Variants in COLEC11 observed in about 807,000 individuals in gnomAD.
The protein encoded by COLEC11 is collectin subfamily member 11.
A neutral mutation model predicts 27.3 loss-of-function variants in COLEC11; 20 were observed. The observed-to-expected ratio is 0.73, with a 90% CI of 0.51 to 1.06. The LOEUF is 1.06. Among genes scored for constraint, COLEC11 ranks in the 50% least tolerant of loss-of-function variants. The probability of loss-of-function intolerance (pLI) is 0.00; values close to 1 mark genes in which losing one functional copy is unlikely to be tolerated. For missense variants in COLEC11, 310 were observed against 383.0 expected (o/e 0.81, Z 1.59); for synonymous variants, 163 against 154.7 (o/e 1.05, Z -0.40).
intron 2 of COLEC11, among the ~76,000 whole-genome samples, chr2:3,608,751 G>A (rs1662935192): frequency 6.6e-6 from 1 of 152,262 alleles, no homozygotes; most frequent in South Asian, 2.1e-4. Context: ...TAAGATGCGT[G>A]GACAGGGCAA....
chr2:3,634,815 C>T (rs1665265978), intron 3 of COLEC11, among the ~76,000 whole-genome samples: 1 of 151,948 alleles, frequency 6.6e-6, no homozygotes, highest in Non-Finnish European at 1.5e-5. Flanking sequence ...TGGCAGGGCC[C>T]CCTCTGGTGT....
At chr2:3,641,383 C>A (rs1211448439) in intron 5 of COLEC11, 20 of 1,300,732 alleles carry the variant, frequency 1.5e-5, no homozygotes, top group Non-Finnish European at 1.9e-5. Flanking sequence ...AGGCACTCAG[C>A]CAACCTGAGG....
intron 2 of COLEC11, chr2:3,606,252 C>T: frequency 6.5e-7 from 1 of 1,549,802 alleles, no homozygotes; most frequent in Non-Finnish European, 8.7e-7. Context: ...AGGTCAGTAG[C>T]CTGCACTGGT....
chr2:3,627,741 A>T (rs563413324), intron 3 of COLEC11, among the ~76,000 whole-genome samples: 191 of 150,100 alleles, frequency 1.3e-3, no homozygotes, highest in African/African-American at 4.4e-3. Flanking sequence ...ATGATGGTAG[A>T]TCTAGGTATG....
intron 3 of COLEC11, among the ~76,000 whole-genome samples, chr2:3,629,781 C>A (rs923105429): frequency 1.3e-5 from 2 of 152,068 alleles, no homozygotes; most frequent in Admixed American, 6.6e-5. Context: ...AGAGAAAGCC[C>A]AGCTGTTAAA....
intron 3 of COLEC11, among the ~76,000 whole-genome samples, chr2:3,624,550 C>G (rs1318090134): frequency 6.6e-6 from 1 of 152,184 alleles, no homozygotes; most frequent in African/African-American, 2.4e-5. Flanking sequence ...TACACTTTCA[C>G]TTACTCCAGT....
At chr2:3,612,162 G>A (rs1663244887) in intron 2 of COLEC11, among the ~76,000 whole-genome samples, 1 of 152,062 alleles carries the variant, frequency 6.6e-6, no homozygotes, top group South Asian at 2.1e-4. Context: ...TGAACTTGTA[G>A]CATATCAGCG....
rs984420589 is a variant in COLEC11, at chr2:3,612,985, T to C, written c.131-326T>C. 3.4e-5 allele frequency among the ~76,000 whole-genome samples: 5 copies of C among 146,048 alleles called. No homozygotes were observed. In the South Asian group the frequency reaches 6.2e-4, roughly 18 times the overall value. ...ACGCTGCCGCCCTTCTCATTGGTGT[T>C]AGGGTTGGGGAGAGCCGGCGTTTAG... On this transcript the variant is annotated intron_variant, in intron 2 of 6. Coordinates refer to ENST00000349077, the MANE Select transcript of COLEC11 (RefSeq NM_024027.5).
At chr2:3,600,007 G>A (rs1219685224) in intron 1 of COLEC11, among the ~76,000 whole-genome samples, 5 of 151,794 alleles carry the variant, frequency 3.3e-5, no homozygotes, top group Admixed American at 3.3e-4. Flanking sequence ...AGGCCGAGGT[G>A]GGTGGATCAT....
rs187510092 is a variant in COLEC11, at chr2:3,632,780, A to G, written c.203-4753A>G. Among the ~76,000 whole-genome samples the G allele has an allele frequency of 9.8e-5, 15 of 152,290 alleles. No homozygotes were observed. In the East Asian group the frequency reaches 2.9e-3, roughly 29 times the overall value. Reference sequence around the variant, plus strand: ...CTAATTTATTTCTGAAAGATGGAAAAATGAGCAGAATCCCGGGACCCCCAC... The same window carrying G: ...CTAATTTATTTCTGAAAGATGGAAAGATGAGCAGAATCCCGGGACCCCCAC... On this transcript the variant is annotated intron_variant, in intron 3 of 6. Coordinates refer to ENST00000349077, the MANE Select transcript of COLEC11 (RefSeq NM_024027.5).
chr2:3,630,687 G>T (rs920324311), intron 3 of COLEC11, among the ~76,000 whole-genome samples: 1 of 152,342 alleles, frequency 6.6e-6, no homozygotes, highest in African/African-American at 2.4e-5. Context: ...AAGGGCTCTG[G>T]TGAAGCTTCC....
chr2:3,598,115 T>C (rs905519702), intron 1 of COLEC11, among the ~76,000 whole-genome samples: 20 of 152,044 alleles, frequency 1.3e-4, no homozygotes, highest in Non-Finnish European at 2.5e-4. Flanking sequence ...TTTGTATTTT[T>C]AGTAGAGACA....
intron 2 of COLEC11, chr2:3,606,008 T>G: frequency 1.4e-6 from 2 of 1,473,114 alleles, no homozygotes; most frequent in South Asian, 2.6e-5. Flanking sequence ...AAATGTTTAA[T>G]TATGTTGGAA....
At chr2:3,627,775 G>A (rs983221147) in intron 3 of COLEC11, among the ~76,000 whole-genome samples, 5 of 151,162 alleles carry the variant, frequency 3.3e-5, no homozygotes, top group Admixed American at 1.3e-4. Flanking sequence ...TGACAACAGC[G>A]TGAATCTGGG....
rs901377416 is a variant in COLEC11 at position 3,637,695 on chromosome 2, C to T, written c.274+91C>T. 50 of 1,006,052 alleles carry T rather than the reference C, an allele frequency of 5.0e-5. No individual in the cohort carries two copies. In the African/African-American group the frequency reaches 5.6e-4, roughly 11 times the overall value. 62.3% of individuals were successfully genotyped at this position (1,006,052 alleles called of 1,614,324 possible). ...AGAATAATTGTAGCCTGAATTGTCTCGTCTGGTGCTCTTATTTATATTCGG... is the reference window on the plus strand; with the variant it reads ...AGAATAATTGTAGCCTGAATTGTCTTGTCTGGTGCTCTTATTTATATTCGG... On this transcript the variant is annotated intron_variant, in intron 4 of 6. Coordinates refer to ENST00000349077, the MANE Select transcript of COLEC11 (RefSeq NM_024027.5).
In COLEC11 at chr2:3,643,866, G is replaced by C. The variant is rs760432690; in HGVS notation, c.564G>C (p.Leu188=). ...CCAAGGACGAGGCTGCCAATGGCCT[G>C]ATGGCCGCATACCTGGCGCAAGCCG... is the stretch of plus-strand genomic sequence containing the variant. ...SMPKDEAANG[L]MAAYLAQAGL... The change falls in exon 7 of 7, where the codon CTG becomes CTC. Residue 188 remains leucine (L), a synonymous_variant. Coordinates refer to ENST00000349077, the MANE Select transcript of COLEC11 (RefSeq NM_024027.5). 6.2e-7 allele frequency: 1 copy of C among 1,613,752 alleles called. No homozygotes were observed. The highest frequency in any genetic ancestry group is 1.1e-5 in the South Asian group (1 of 91,080).
chr2:3,623,106 T>G (rs1242803708), intron 3 of COLEC11, among the ~76,000 whole-genome samples: 1 of 152,218 alleles, frequency 6.6e-6, no homozygotes. Context: ...TTTGAATATA[T>G]GATCCCACTT....
intron 3 of COLEC11, chr2:3,617,620 T>G: frequency 1.2e-6 from 2 of 1,612,238 alleles, no homozygotes; most frequent in Non-Finnish European, 1.7e-6. Flanking sequence ...CTTGAGTCTC[T>G]GTCTTCTTCA....
chr2:3,617,017 T>C (rs1663807188), intron 3 of COLEC11, among the ~76,000 whole-genome samples: 1 of 152,252 alleles, frequency 6.6e-6, no homozygotes, highest in African/African-American at 2.4e-5. Context: ...TTGTGAATAA[T>C]GCTGCAGTCA....
Sources: allele counts gnomAD v4.1 joint callset (sites outside exome capture counted in the v4.1 genomes callset), GRCh38; gene constraint gnomAD v4.1.1; transcripts MANE v1.5; gene names NCBI Gene and HGNC (gene_info 2026-07-23, HGNC 2026-07-21).